Variants in DOCK8 observed in about 807,000 individuals in gnomAD.
The protein encoded by DOCK8 is dedicator of cytokinesis 8.
A neutral mutation model predicts 245.6 loss-of-function variants in DOCK8; 141 were observed. The ratio of observed to expected loss-of-function variants is 0.57; its 90% CI spans 0.50 to 0.66. The LOEUF (loss-of-function observed/expected upper bound fraction) is 0.66, where lower values mean the gene tolerates loss of function less well. Ranked by LOEUF, DOCK8 falls within the 30% of genes least tolerant of loss-of-function variation. The pLI is 0.00. For synonymous variants in DOCK8, 1,168 were observed against 970.2 expected, an observed-to-expected ratio of 1.20 and a Z score of -3.79; for missense variants, 2,965 against 2,603.4, an observed-to-expected ratio of 1.14 and a Z score of -3.02.
chr9:288,063 T>A (rs755414507), intron 3 of DOCK8, among the ~76,000 whole-genome samples: 1 of 152,034 alleles, frequency 6.6e-6, no homozygotes, highest in Non-Finnish European at 1.5e-5. Flanking sequence ...AGGAGGTTTT[T>A]TTTTTTTTGA....
intron 23 of DOCK8, among the ~76,000 whole-genome samples, chr9:387,050 A>G (rs2053985142): frequency 6.6e-6 from 1 of 152,186 alleles, no homozygotes; most frequent in African/African-American, 2.4e-5. Flanking sequence ...GATGGAGGGA[A>G]AAAAAACTGT....
chr9:349,577 G>A (rs1487445685), intron 14 of DOCK8, among the ~76,000 whole-genome samples: 1 of 152,126 alleles, frequency 6.6e-6, no homozygotes, highest in Non-Finnish European at 1.5e-5. Flanking sequence ...GCCCAAGCTG[G>A]TCGTTCCTTT....
chr9:308,561 G>C (rs544873729), intron 5 of DOCK8, among the ~76,000 whole-genome samples: 1 of 152,180 alleles, frequency 6.6e-6, no homozygotes, highest in Non-Finnish European at 1.5e-5. Context: ...GGTACACGTA[G>C]ATTTTATAAA....
chr9:373,591 A>G (rs2053392439), intron 18 of DOCK8, among the ~76,000 whole-genome samples: 1 of 152,234 alleles, frequency 6.6e-6, no homozygotes, highest in African/African-American at 2.4e-5. Flanking sequence ...TGCAATTTTA[A>G]GTTGAAGAAT....
At position 334,276 on chromosome 9, in the gene DOCK8, C is replaced by T. The variant is rs749367316; in HGVS notation, c.1177C>T (p.Arg393Cys). 1.2e-5 allele frequency: 19 copies of T among 1,614,062 alleles called. No individual in the cohort carries two copies. The highest frequency in any genetic ancestry group is 4.4e-5 in the South Asian group (4 of 91,084). Residue 393 changes from arginine to cysteine, a missense_variant, in exon 11 of 48, where the codon CGT becomes TGT. Transcript: ENST00000432829. ...ACTCCAAGCTGAATCCTTCTGCCAGCGTTTGGGGAAATACCGGATGCCCTT... is the reference window on the plus strand; with the variant it reads ...ACTCCAAGCTGAATCCTTCTGCCAGTGTTTGGGGAAATACCGGATGCCCTT... Reference protein sequence around the residue: ...LKLQAESFCQRLGKYRMPFAW... With the variant: ...LKLQAESFCQCLGKYRMPFAW...
intron 46 of DOCK8, 92 bp downstream of exon 46, chr9:452,209 C>A: frequency 1.2e-6 from 1 of 821,370 alleles, no homozygotes; most frequent in Non-Finnish European, 2.0e-6. Flanking sequence ...TGAGAACTTG[C>A]TAGAAAGACA....
intron 1 of DOCK8, among the ~76,000 whole-genome samples, chr9:226,188 C>T (rs372637335): frequency 3.3e-5 from 5 of 152,082 alleles, no homozygotes; most frequent in South Asian, 4.1e-4. Flanking sequence ...GGAGCAAAGG[C>T]ATATCTTAAA....
intron 39 of DOCK8, among the ~76,000 whole-genome samples, chr9:438,186 A>C (rs2056967536): frequency 6.6e-6 from 1 of 152,238 alleles, no homozygotes; most frequent in Non-Finnish European, 1.5e-5. Context: ...GTTGATTCAC[A>C]TGATCTTGCT....
chr9:373,543 C>G lies in DOCK8; in HGVS notation c.2109+1257C>G, dbSNP rs538739339. 9.8e-5 allele frequency among the ~76,000 whole-genome samples: 15 copies of G among 152,336 alleles called. 1 individual carries two copies. Among genetic ancestry groups the G allele is most frequent in the Admixed American group, 5.9e-4 (9 of 15,306 alleles). ...ATTGATTGTTACATCTCTGGAGACG[C>G]TTTTAATCTACAGATCCTCCATCTC... is the stretch of plus-strand genomic sequence containing the variant. On this transcript the variant is annotated intron_variant, in intron 18 of 47. Coordinates refer to ENST00000432829, the MANE Select transcript of DOCK8 (RefSeq NM_203447.4).
At chr9:311,218 G>A (rs1488690764) in intron 5 of DOCK8, among the ~76,000 whole-genome samples, 2 of 151,902 alleles carry the variant, frequency 1.3e-5, no homozygotes, top group African/African-American at 4.8e-5. Flanking sequence ...CTGGGAGGCG[G>A]AGGTTGCAGT....
intron 22 of DOCK8, 97 bp from the exon 23 acceptor site, chr9:386,234 A>T: frequency 9.9e-7 from 1 of 1,008,216 alleles, no homozygotes; most frequent in Non-Finnish European, 1.5e-6. Context: ...GAAAAAAAAT[A>T]TGTATAAAAA....
intron 2 of DOCK8, among the ~76,000 whole-genome samples, chr9:275,201 AGTATTGC>A (rs1563861731): frequency 3.2e-3 from 477 of 150,112 alleles, no homozygotes; most frequent in African/African-American, 0.012. Flanking sequence ...TATATTGGCT[AGTATTGC>A]TCTCTTACGA....
intron 33 of DOCK8, among the ~76,000 whole-genome samples, chr9:423,601 A>G (rs1564050362): frequency 6.6e-6 from 1 of 152,226 alleles, no homozygotes; most frequent in African/African-American, 2.4e-5. Context: ...CATTTATTTT[A>G]AAACATTAAA....
intron 4 of DOCK8, among the ~76,000 whole-genome samples, chr9:304,015 C>T (rs757115510): frequency 3.3e-5 from 5 of 152,184 alleles, no homozygotes; most frequent in Non-Finnish European, 7.4e-5. Flanking sequence ...CAGGGCTAGA[C>T]ATTCTGTTTT....
rs761529046 is a variant in DOCK8, at chr9:286,503, C to T, written c.199C>T (p.Leu67Phe). Residue 67 changes from leucine to phenylalanine, a missense_variant, in exon 3 of 48, where the codon CTT becomes TTT. Leu to Phe is a conservative substitution (Grantham distance 22). Coordinates refer to ENST00000432829, the MANE Select transcript of DOCK8 (RefSeq NM_203447.4). ...DPVEPVDFEGLLMTHLNSLDV... is the reference protein window; with the variant it reads ...DPVEPVDFEGFLMTHLNSLDV... ...TGTGGAGCCAGTGGACTTTGAAGGACTTCTGATGACACACCTGAACAGCCT... is the reference window on the plus strand; with the variant it reads ...TGTGGAGCCAGTGGACTTTGAAGGATTTCTGATGACACACCTGAACAGCCT... 5.0e-6 allele frequency: 8 copies of T among 1,613,916 alleles called. No individual in the cohort carries two copies. The highest frequency in any genetic ancestry group is 1.1e-5 in the South Asian group (1 of 91,086).
intron 9 of DOCK8, among the ~76,000 whole-genome samples, chr9:329,376 C>T (rs933089567): frequency 6.6e-6 from 1 of 152,050 alleles, no homozygotes; most frequent in South Asian, 2.1e-4. Flanking sequence ...AGTGATCGCC[C>T]CATGATCTCA....
chr9:276,234 A>G (rs1301939830), intron 2 of DOCK8, among the ~76,000 whole-genome samples: 1 of 152,170 alleles, frequency 6.6e-6, no homozygotes, highest in Non-Finnish European at 1.5e-5. Context: ...AAATGGGGGG[A>G]ATATATAAAG....
chr9:457,310 G>A (rs569880644), intron 46 of DOCK8, among the ~76,000 whole-genome samples: 5 of 152,234 alleles, frequency 3.3e-5, no homozygotes, highest in African/African-American at 7.2e-5. Context: ...ACCTACCCTC[G>A]GTTTCCCCAG....
intron 15 of DOCK8, chr9:368,366 T>G: frequency 1.4e-6 from 1 of 704,184 alleles, no homozygotes; most frequent in Non-Finnish European, 2.7e-6. Flanking sequence ...TACAGATCAT[T>G]TTAGAGGATT....
Sources: gnomAD v4.1 joint callset for allele counts (sites outside exome capture counted in the v4.1 genomes callset) on GRCh38, gnomAD v4.1.1 for gene constraint, MANE v1.5 for transcripts, NCBI Gene and HGNC (gene_info 2026-07-23, HGNC 2026-07-21) for gene names.